SPON1: variants seen among roughly 807,000 people sequenced by gnomAD.
SPON1 encodes spondin 1.
SPON1 carries 52 observed loss-of-function variants against 111.7 expected under a neutral mutation model. The ratio of observed to expected loss-of-function variants is 0.47; its 90% CI spans 0.37 to 0.59. The LOEUF (loss-of-function observed/expected upper bound fraction) is 0.59, where lower values mean the gene tolerates loss of function less well. Among genes scored for constraint, SPON1 ranks in the 20% least tolerant of loss-of-function variants. The probability of loss-of-function intolerance (pLI) is 0.00; values close to 1 mark genes in which losing one functional copy is unlikely to be tolerated. For synonymous variants in SPON1, 410 were observed against 395.8 expected (o/e 1.04, Z -0.43); for missense variants, 957 against 1,068.5 (o/e 0.90, Z 1.46).
intron 5 of SPON1, among the ~76,000 whole-genome samples, chr11:14,105,078 C>G (rs1849174558): frequency 6.6e-6 from 1 of 152,038 alleles, no homozygotes; most frequent in Admixed American, 6.6e-5. Context: ...TTTAGTGGAT[C>G]TTAAATAGGG....
At chr11:13,973,972 G>A (rs1554908869) in intron 1 of SPON1, among the ~76,000 whole-genome samples, 1 of 152,186 alleles carries the variant, frequency 6.6e-6, no homozygotes, top group Non-Finnish European at 1.5e-5. Flanking sequence ...GGCTGAAGAA[G>A]GCCATCCAGG....
At chr11:14,054,619 A>G (rs1554918975) in intron 3 of SPON1, among the ~76,000 whole-genome samples, 1 of 151,718 alleles carries the variant, frequency 6.6e-6, no homozygotes, top group African/African-American at 2.4e-5. Flanking sequence ...TTACACGCAG[A>G]CTCTGAACAA....
At chr11:14,168,809 C>T (rs1315031805) in intron 6 of SPON1, among the ~76,000 whole-genome samples, 9 of 152,240 alleles carry the variant, frequency 5.9e-5, no homozygotes, top group South Asian at 2.1e-4. Context: ...GCTTCATCCA[C>T]GTCCCTACGA....
intron 6 of SPON1, among the ~76,000 whole-genome samples, chr11:14,175,846 C>T (rs1848168841): frequency 1.3e-5 from 2 of 152,166 alleles, no homozygotes; most frequent in African/African-American, 2.4e-5. Context: ...TCTTACAGAA[C>T]CATAGGCAAG....
At chr11:14,128,822 A>G (rs1419501263) in intron 5 of SPON1, among the ~76,000 whole-genome samples, 1 of 152,232 alleles carries the variant, frequency 6.6e-6, no homozygotes, top group East Asian at 1.9e-4. Flanking sequence ...CCCAAACCTC[A>G]ATTCTTGCCA....
At position 13,995,928 on chromosome 11, in the gene SPON1, T is replaced by C. The variant is rs985922118; in HGVS notation, c.345+12975T>C. ...TCTGTGCAAATAAGAAAACAATCATTTGCAGAAAGTGGGTAGTGAGTGCTG... is the reference window on the plus strand; with the variant it reads ...TCTGTGCAAATAAGAAAACAATCATCTGCAGAAAGTGGGTAGTGAGTGCTG... On this transcript the variant is annotated intron_variant, in intron 2 of 15. Transcript: ENST00000576479. Among the ~76,000 whole-genome samples, 3 of 152,168 alleles carry C rather than the reference T, an allele frequency of 2.0e-5. No individual in the cohort carries two copies. The South Asian group carries it at 6.2e-4, about 31-fold the overall frequency.
At chr11:14,155,093 T>C (rs1847828063) in intron 6 of SPON1, among the ~76,000 whole-genome samples, 1 of 152,202 alleles carries the variant, frequency 6.6e-6, no homozygotes, top group Admixed American at 6.5e-5. Context: ...CACTTCAGCT[T>C]TTGGTCACAA....
chr11:14,056,082 G>A (rs1554919154), intron 3 of SPON1, among the ~76,000 whole-genome samples: 2 of 152,186 alleles, frequency 1.3e-5, no homozygotes, highest in African/African-American at 4.8e-5. Context: ...TGAGATTGAA[G>A]TCTGGCATTA....
At chr11:14,103,838 A>C (rs1849164292) in intron 5 of SPON1, among the ~76,000 whole-genome samples, 1 of 152,152 alleles carries the variant, frequency 6.6e-6, no homozygotes, top group African/African-American at 2.4e-5. Context: ...TCAGTCTATT[A>C]ATTTATCATT....
chr11:14,176,705 T>C (rs529948936), intron 6 of SPON1, among the ~76,000 whole-genome samples: 1 of 152,214 alleles, frequency 6.6e-6, no homozygotes, highest in African/African-American at 2.4e-5. Flanking sequence ...GCACATTGGG[T>C]CGGCAGTGCC....
chr11:14,212,966 G>A (rs553397247), intron 6 of SPON1, among the ~76,000 whole-genome samples: 1 of 152,306 alleles, frequency 6.6e-6, no homozygotes, highest in East Asian at 1.9e-4. Flanking sequence ...GCAAAATGTG[G>A]AAGTGTAGTC....
At chr11:14,160,252 C>G (rs1490405451) in intron 6 of SPON1, among the ~76,000 whole-genome samples, 1 of 146,508 alleles carries the variant, frequency 6.8e-6, no homozygotes, top group African/African-American at 2.5e-5. Flanking sequence ...TCCTGATAAA[C>G]TCAGGATGTT....
At chr11:14,146,150 C>CTTTTT (rs10674430) in intron 6 of SPON1, among the ~76,000 whole-genome samples, 7 of 130,938 alleles carry the variant, frequency 5.3e-5, no homozygotes, top group Non-Finnish European at 6.4e-5. Flanking sequence ...AATTACTATA[C>CTTTTT]TTTTTTTTTT....
At chr11:13,991,382 T>G (rs782617146) in intron 2 of SPON1, among the ~76,000 whole-genome samples, 1 of 152,224 alleles carries the variant, frequency 6.6e-6, no homozygotes, top group Non-Finnish European at 1.5e-5. Context: ...TTGAAACTTG[T>G]GAATGCTTCA....
rs561101976 is a variant in SPON1 at position 14,087,947 on chromosome 11, G to C, written c.676+7926G>C. 2.6e-5 allele frequency among the ~76,000 whole-genome samples: 4 copies of C among 151,988 alleles called. No homozygotes were observed. In the South Asian group the frequency reaches 8.3e-4, roughly 32 times the overall value. On this transcript the variant is annotated intron_variant, in intron 5 of 15. Transcript: ENST00000576479. ...TTGGTTTAAAGTCTGTTTTATCAGA[G>C]ACTAGGACTGCTTTTTTTGGCTTTC...
Position 14,167,413 on chromosome 11 carries a change from T to C in SPON1, c.825+31845T>C, listed in dbSNP as rs146799678. 1.3e-3 allele frequency among the ~76,000 whole-genome samples: 200 copies of C among 152,200 alleles called. No individual in the cohort carries two copies. The East Asian group carries it at 0.035, about 27-fold the overall frequency. Reference sequence around the variant, plus strand: ...CTTAAAAGAAAAATCTTTACTCAGATAGGAAACTTAGCCAATAAAGATAGC... The same window carrying C: ...CTTAAAAGAAAAATCTTTACTCAGACAGGAAACTTAGCCAATAAAGATAGC... On this transcript the variant is annotated intron_variant, in intron 6 of 15. Coordinates refer to ENST00000576479, the MANE Select transcript of SPON1 (RefSeq NM_006108.4).
At chr11:14,254,468 C>A (rs1849085075) in intron 7 of SPON1, 60 bp from the exon 8 acceptor site, 3 of 1,436,318 alleles carry the variant, frequency 2.1e-6, no homozygotes, top group African/African-American at 1.4e-5. Flanking sequence ...GCAGATTTCC[C>A]TCAGAGTGAG....
chr11:14,075,525 C>T, intron 4 of SPON1, 107 bp downstream of exon 4: 1 of 774,748 alleles, frequency 1.3e-6, no homozygotes, highest in East Asian at 2.7e-5. Flanking sequence ...TCGTGAGTTC[C>T]TCTGGGTTCT....
intron 6 of SPON1, among the ~76,000 whole-genome samples, chr11:14,205,038 C>T (rs1554936049): frequency 6.6e-6 from 1 of 152,156 alleles, no homozygotes; most frequent in East Asian, 1.9e-4. Flanking sequence ...CCCAGCACAC[C>T]CAGATAATCC....
Sources: allele counts gnomAD v4.1 joint callset (sites outside exome capture counted in the v4.1 genomes callset), GRCh38; gene constraint gnomAD v4.1.1; transcripts MANE v1.5; gene names NCBI Gene and HGNC (gene_info 2026-07-23, HGNC 2026-07-21).